Variants in RABL3 observed in about 807,000 individuals in gnomAD.
The protein encoded by RABL3 is RAB, member of RAS oncogene family like 3.
Under a neutral mutation model 31.8 loss-of-function variants are expected in RABL3, and 31 were observed. The ratio of observed to expected loss-of-function variants is 0.97; its 90% CI spans 0.73 to 1.31. The LOEUF is 1.31. Among genes scored for constraint, RABL3 ranks in the 40% most tolerant of loss-of-function variants. The pLI, the probability that RABL3 is intolerant of heterozygous loss-of-function variation, is 0.00. For missense variants in RABL3, 263 were observed against 279.6 expected (o/e 0.94, Z 0.42); for synonymous variants, 97 against 99.9 (o/e 0.97, Z 0.18).
At chr3:120,708,653 T>C (rs1382433662) in intron 3 of RABL3, among the ~76,000 whole-genome samples, 1 of 152,056 alleles carries the variant, frequency 6.6e-6, no homozygotes, top group Non-Finnish European at 1.5e-5. Context: ...AGTCTTATTG[T>C]TGTTTTTCTT....
intron 4 of RABL3, among the ~76,000 whole-genome samples, chr3:120,702,772 T>C (rs1005116340): frequency 6.6e-6 from 1 of 152,112 alleles, no homozygotes; most frequent in Non-Finnish European, 1.5e-5. Flanking sequence ...TTAGCCAGGA[T>C]GGTCTCGATC....
intron 6 of RABL3, among the ~76,000 whole-genome samples, chr3:120,693,849 T>C (rs1282637298): frequency 6.6e-6 from 1 of 151,870 alleles, no homozygotes; most frequent in Non-Finnish European, 1.5e-5. Context: ...GGTGAATAAG[T>C]GAAAAAAAGA....
chr3:120,699,607 G>A (rs1231866802), intron 4 of RABL3, among the ~76,000 whole-genome samples: 3 of 152,104 alleles, frequency 2.0e-5, no homozygotes, highest in African/African-American at 4.8e-5. Flanking sequence ...CAACCCAGTC[G>A]AGCATAGCTT....
At chr3:120,712,561 C>A (rs1407968503) in intron 2 of RABL3, among the ~76,000 whole-genome samples, 1 of 152,106 alleles carries the variant, frequency 6.6e-6, no homozygotes, top group East Asian at 1.9e-4. Flanking sequence ...GGGCCCAAAT[C>A]AACCAGAGCA....
chr3:120,709,918 T>C lies in RABL3; in HGVS notation c.139-9A>G, dbSNP rs763452938. On this transcript the variant is annotated splice_polypyrimidine_tract_variant and intron_variant, in intron 2 of 7. Transcript: ENST00000273375. ...TCTTTGTAATCATGAACCTAACAAA[T>C]CAATCAATTAAAATAATTAATATAG... The C allele has an allele frequency of 4.4e-6, 7 of 1,578,000 alleles. No homozygotes were observed. In the South Asian group the frequency reaches 5.8e-5, roughly 13 times the overall value.
At chr3:120,693,770 A>T (rs1241612414) in intron 6 of RABL3, among the ~76,000 whole-genome samples, 1 of 152,234 alleles carries the variant, frequency 6.6e-6, no homozygotes, top group African/African-American at 2.4e-5. Flanking sequence ...ATTAACAGCT[A>T]GGAGAGCAAA....
chr3:120,737,829 A>C (rs903321778), intron 1 of RABL3, among the ~76,000 whole-genome samples: 2 of 152,234 alleles, frequency 1.3e-5, no homozygotes, highest in Admixed American at 1.3e-4. Context: ...CAGAGGTGGC[A>C]GAACAGCGAA....
chr3:120,694,577 C>A (rs1347287860), intron 5 of RABL3, among the ~76,000 whole-genome samples: 2 of 151,872 alleles, frequency 1.3e-5, no homozygotes, highest in African/African-American at 4.8e-5. Context: ...AGAGAGAGAG[C>A]CATGAAAAAC....
intron 2 of RABL3, among the ~76,000 whole-genome samples, chr3:120,711,959 G>C (rs986384960): frequency 1.7e-4 from 26 of 152,094 alleles, no homozygotes; most frequent in African/African-American, 5.8e-4. Flanking sequence ...TGGAGCCTCA[G>C]TTTCTTTGCC....
rs1433656282 is a variant in RABL3 at position 120,686,775 on chromosome 3, A to AT, written c.*3047dup. On this transcript the variant is annotated 3_prime_UTR_variant, in exon 8 of 8. Coordinates refer to ENST00000273375, the MANE Select transcript of RABL3 (RefSeq NM_173825.5). ...AAAAAAGAAATAGGAAAACTTGTGT[A>AT]TTTTTATGTACAGTCTTATGCAGAA... 12 of 152,328 alleles carry AT rather than the reference A, an allele frequency of 7.9e-5. No individual in the cohort carries two copies. Among genetic ancestry groups the AT allele is most frequent in the Non-Finnish European group, 1.5e-4 (10 of 68,028 alleles). The allele number at this position is 152,328 out of a possible 1,614,324, so 9.4% of individuals were successfully genotyped here.
intron 2 of RABL3, among the ~76,000 whole-genome samples, chr3:120,728,749 C>T (rs529685326): frequency 2.0e-5 from 3 of 152,034 alleles, no homozygotes; most frequent in Admixed American, 1.3e-4. Context: ...TAGGTCCGCT[C>T]CTACTTCAAA....
rs375054690 is a variant in RABL3 at position 120,715,538 on chromosome 3, A to AAAT, written c.139-5632_139-5630dup. Among the ~76,000 whole-genome samples, 13 of 151,936 alleles carry AAAT rather than the reference A, an allele frequency of 8.6e-5. No individual in the cohort carries two copies. In the South Asian group the frequency reaches 1.2e-3, roughly 15 times the overall value. On this transcript the variant is annotated intron_variant, in intron 2 of 7. Transcript: ENST00000273375. ...GGCAACAGAATGAGACTCTTTTTCA[A>AAAT]AATAATAATAATAATAATAAATAAA... is the stretch of plus-strand genomic sequence containing the variant.
chr3:120,719,019 T>C (rs899540371), intron 2 of RABL3, among the ~76,000 whole-genome samples: 10 of 152,192 alleles, frequency 6.6e-5, no homozygotes, highest in Non-Finnish European at 1.5e-4. Flanking sequence ...ACACTTACTG[T>C]TGGAGATTAT....
intron 2 of RABL3, chr3:120,721,909 A>C (rs923415882): frequency 3.9e-5 from 6 of 152,220 alleles, no homozygotes; most frequent in African/African-American, 1.4e-4. Context: ...CTATTCCAAA[A>C]CTGACCACAC....
At chr3:120,699,109 AG>A (rs1055212489) in intron 4 of RABL3, among the ~76,000 whole-genome samples, 13 of 152,374 alleles carry the variant, frequency 8.5e-5, no homozygotes, top group African/African-American at 2.6e-4. Context: ...TAAAGAAATA[AG>A]AAGAATAAGA....
intron 1 of RABL3, among the ~76,000 whole-genome samples, chr3:120,736,599 C>T (rs541863694): frequency 6.6e-6 from 1 of 152,214 alleles, no homozygotes; most frequent in Admixed American, 6.5e-5. Flanking sequence ...TTATTTTGCT[C>T]ATTAGTTGAT....
rs934097317 is a variant in RABL3, at chr3:120,694,140, T to C, written c.606+13A>G. The C allele has an allele frequency of 3.2e-6, 5 of 1,548,244 alleles. No homozygotes were observed. The highest frequency in any genetic ancestry group is 4.4e-6 in the Non-Finnish European group (5 of 1,129,766). On this transcript the variant is annotated intron_variant, in intron 6 of 7. Coordinates refer to ENST00000273375, the MANE Select transcript of RABL3 (RefSeq NM_173825.5). ...TAAATTAAGTTTAAAAATAACTTAATTGAAACCATTACCTTATCAAAAAAC... is the reference window on the plus strand; with the variant it reads ...TAAATTAAGTTTAAAAATAACTTAACTGAAACCATTACCTTATCAAAAAAC...
rs576542407 is a variant in RABL3 at position 120,740,875 on chromosome 3, G to A, written c.46+1587C>T. Reference sequence around the variant, plus strand: ...AACTAAACCATAACAGGGGAGGCGGGCAGTAGGGAAGCTTATCAATTGCCT... The same window carrying A: ...AACTAAACCATAACAGGGGAGGCGGACAGTAGGGAAGCTTATCAATTGCCT... On this transcript the variant is annotated intron_variant, in intron 1 of 7. Transcript: ENST00000273375. Among the ~76,000 whole-genome samples the A allele has an allele frequency of 2.6e-5, 4 of 152,298 alleles. 1 individual carries two copies. In the South Asian group the frequency reaches 8.3e-4, roughly 32 times the overall value.
chr3:120,722,436 A>C (rs1708756605), intron 2 of RABL3: 1 of 152,218 alleles, frequency 6.6e-6, no homozygotes, highest in Admixed American at 6.5e-5. Context: ...GTTAAGTTAC[A>C]GGTTAAGTCC....
Sources: gnomAD v4.1 joint callset for allele counts (sites outside exome capture counted in the v4.1 genomes callset) on GRCh38, gnomAD v4.1.1 for gene constraint, MANE v1.5 for transcripts, NCBI Gene and HGNC (gene_info 2026-07-23, HGNC 2026-07-21) for gene names.